DPP8: variants seen among roughly 807,000 people sequenced by gnomAD.
DPP8 encodes dipeptidyl peptidase 8.
DPP8 carries 31 observed loss-of-function variants against 107.5 expected under a neutral mutation model. The ratio of observed to expected loss-of-function variants is 0.29; its 90% CI spans 0.22 to 0.39. The LOEUF (loss-of-function observed/expected upper bound fraction) is 0.39, where lower values mean the gene tolerates loss of function less well. Among genes scored for constraint, DPP8 ranks in the 10% least tolerant of loss-of-function variants. The pLI, the probability that DPP8 is intolerant of heterozygous loss-of-function variation, is 1.00. For missense variants in DPP8, 842 were observed against 1,076.1 expected (o/e 0.78, Z 3.04); for synonymous variants, 381 against 356.6 (o/e 1.07, Z -0.77).
chr15:65,494,148 C>CTTTTTTTT (rs2068327891), intron 5 of DPP8, among the ~76,000 whole-genome samples: 1 of 18,552 alleles, frequency 5.4e-5, no homozygotes, highest in African/African-American at 1.5e-4. Flanking sequence ...GGTTCTATAT[C>CTTTTTTTT]CTTTTTTTTT....
intron 16 of DPP8, among the ~76,000 whole-genome samples, chr15:65,454,632 T>A (rs2064251533): frequency 1.3e-5 from 2 of 152,212 alleles, no homozygotes; most frequent in South Asian, 4.1e-4. Context: ...ATTCAAGTGA[T>A]TCTCCTGCCT....
At chr15:65,488,603 C>CAAAAAAAAAAAAAAAAAAAA (rs1166493197) in intron 6 of DPP8, among the ~76,000 whole-genome samples, 1 of 45,288 alleles carries the variant, frequency 2.2e-5, no homozygotes, top group Admixed American at 3.2e-4. Context: ...GACCCTGCCT[C>CAAAAAAAAAAAAAAAAAAAA]AAAAAAAAAA....
chr15:65,489,176 G>C (rs1482650081), intron 6 of DPP8, among the ~76,000 whole-genome samples: 2 of 152,040 alleles, frequency 1.3e-5, no homozygotes, highest in Admixed American at 6.6e-5. Flanking sequence ...GGCCAGGATA[G>C]TCTCGATCTC....
chr15:65,450,866 G>A (rs1416908048), intron 19 of DPP8, 133 bp downstream of exon 19: 14 of 597,946 alleles, frequency 2.3e-5, no homozygotes, highest in Non-Finnish European at 3.8e-5. Flanking sequence ...TACTAAATAT[G>A]CCTCTTACTT....
intron 12 of DPP8, 55 bp downstream of exon 12, chr15:65,474,153 CA>C: frequency 8.2e-7 from 1 of 1,219,016 alleles, no homozygotes; most frequent in East Asian, 2.3e-5. Flanking sequence ...TCATTTTTAG[CA>C]CTGCATTCAC....
chr15:65,480,872 G>GGATCATTTGAGCC (rs1250813158), intron 9 of DPP8, among the ~76,000 whole-genome samples: 1 of 152,096 alleles, frequency 6.6e-6, no homozygotes, highest in African/African-American at 2.4e-5. Context: ...CGAGACAAGA[G>GGATCATTTGAGCC]GATCATTTGA....
At chr15:65,506,770 G>GA (rs1239666881) in intron 3 of DPP8, among the ~76,000 whole-genome samples, 2 of 149,554 alleles carry the variant, frequency 1.3e-5, no homozygotes, top group Non-Finnish European at 3.0e-5. Context: ...TTTTTAATAA[G>GA]AAAAAATAAA....
intron 14 of DPP8, among the ~76,000 whole-genome samples, chr15:65,464,451 G>T (rs1030758304): frequency 3.3e-5 from 5 of 152,138 alleles, no homozygotes; most frequent in Non-Finnish European, 7.3e-5. Flanking sequence ...GGAGGCTGAG[G>T]TGGGTGGATT....
In DPP8 at chr15:65,492,063, C is replaced by T. The variant is rs1054472996; in HGVS notation, c.716-1764G>A. On this transcript the variant is annotated intron_variant, in intron 5 of 19. Coordinates refer to ENST00000300141, the MANE Select transcript of DPP8 (RefSeq NM_130434.5). ...TTACTGTGTAAGAATTTTTGTGGGCCAGGCGCAGTGGCTCACGCCTGTAAT... is the reference window on the plus strand; with the variant it reads ...TTACTGTGTAAGAATTTTTGTGGGCTAGGCGCAGTGGCTCACGCCTGTAAT... Among the ~76,000 whole-genome samples, 8 of 149,516 alleles carry T rather than the reference C, an allele frequency of 5.4e-5. No individual in the cohort carries two copies. The South Asian group carries it at 1.8e-3, about 34-fold the overall frequency.
At chr15:65,470,090 G>C (rs72739491) in intron 12 of DPP8, among the ~76,000 whole-genome samples, 235 of 147,968 alleles carry the variant, frequency 1.6e-3, no homozygotes, top group South Asian at 1.9e-3. Flanking sequence ...CCAGCGACTC[G>C]AGACTTAAGC....
At chr15:65,509,797 G>T (rs965662980) in intron 2 of DPP8, among the ~76,000 whole-genome samples, 3 of 152,076 alleles carry the variant, frequency 2.0e-5, no homozygotes, top group African/African-American at 2.4e-5. Flanking sequence ...GAGGTGGGTA[G>T]ACAGCTTGAG....
rs575429270 is a variant in DPP8 at position 65,490,632 on chromosome 15, A to C, written c.716-333T>G. 5.9e-5 allele frequency among the ~76,000 whole-genome samples: 9 copies of C among 152,340 alleles called. No homozygotes were observed. The East Asian group carries it at 1.7e-3, about 29-fold the overall frequency. ...TGTTATTATTTTCCCAATTAGCAGG[A>C]TCATGGAAAAAAGATTACAAGAAAA... is the stretch of plus-strand genomic sequence containing the variant. On this transcript the variant is annotated intron_variant, in intron 5 of 19. Transcript: ENST00000300141.
chr15:65,484,323 C>G (rs2067202147), intron 8 of DPP8, among the ~76,000 whole-genome samples: 1 of 141,942 alleles, frequency 7.0e-6, no homozygotes, highest in African/African-American at 2.8e-5. Context: ...AAGACTCTGT[C>G]TCAAAAAAAA....
rs1481295298 is a variant in DPP8 at position 65,500,740 on chromosome 15, GTTC to G, written c.409_411del (p.Glu137del). 1.5e-5 allele frequency: 25 copies of G among 1,613,732 alleles called. No individual in the cohort carries two copies. Among genetic ancestry groups the G allele is most frequent in the Non-Finnish European group, 3.4e-6 (4 of 1,179,916 alleles). The stretch of plus-strand genomic sequence containing the variant: ...CCAATGCGTTTTCTTTCTCTTAATA[GTTC>G]TTCTTCTCGAGAATACATTCCATAG... On this transcript the variant is annotated inframe_deletion, in exon 4 of 20. Coordinates refer to ENST00000300141, the MANE Select transcript of DPP8 (RefSeq NM_130434.5).
At position 65,490,305 on chromosome 15, in the gene DPP8, C is replaced by G; in HGVS notation, c.716-6G>C. On this transcript the variant is annotated splice_region_variant and splice_polypyrimidine_tract_variant and intron_variant, in intron 5 of 19. Transcript: ENST00000300141. ...TTCTTCCATGTTGGCTAGCTCTAGA[C>G]AAATATAAAAGGCAAAATTATCACA... 6.3e-7 allele frequency: 1 copy of G among 1,586,982 alleles called. No homozygotes were observed. Among genetic ancestry groups the G allele is most frequent in the Non-Finnish European group, 8.6e-7 (1 of 1,156,222 alleles).
chr15:65,475,155 A>G (rs912279640), intron 11 of DPP8, among the ~76,000 whole-genome samples: 5 of 152,198 alleles, frequency 3.3e-5, no homozygotes, highest in Admixed American at 6.5e-5. Flanking sequence ...TCTACCTCTG[A>G]CACTGGGGTA....
In DPP8 at chr15:65,445,243, C is replaced by T. The variant is rs961749530; in HGVS notation, c.*1641G>A. 4.6e-5 allele frequency: 7 copies of T among 152,136 alleles called. No homozygotes were observed. Among genetic ancestry groups the T allele is most frequent in the African/African-American group, 1.7e-4 (7 of 41,424 alleles). 9.4% of individuals were successfully genotyped at this position (152,136 alleles called of 1,614,324 possible). A position where few individuals can be genotyped will look rare whatever the true frequency, so the allele number is the denominator to read the frequency against. On this transcript the variant is annotated 3_prime_UTR_variant, in exon 20 of 20. Transcript: ENST00000300141. ...CAACCTTACTAATGGAGGCTGTGCT[C>T]TCTATGGGGAAATCTACTCTCTCTG...
At chr15:65,453,846 GC>G (rs1245575974) in intron 17 of DPP8, among the ~76,000 whole-genome samples, 1 of 151,998 alleles carries the variant, frequency 6.6e-6, no homozygotes, top group Non-Finnish European at 1.5e-5. Flanking sequence ...AGTGGCTCAT[GC>G]CTGTAATCCT....
Position 65,452,175 on chromosome 15 carries a change from G to C in DPP8, c.2272-73C>G, listed in dbSNP as rs1276079641. 22 of 1,496,748 alleles carry C rather than the reference G, an allele frequency of 1.5e-5. No homozygotes were observed. In the East Asian group the frequency reaches 5.2e-4, roughly 36 times the overall value. 92.7% of individuals were successfully genotyped at this position (1,496,748 alleles called of 1,614,324 possible). A position where few individuals can be genotyped will look rare whatever the true frequency, so the allele number is the denominator to read the frequency against. On this transcript the variant is annotated intron_variant, in intron 17 of 19. Transcript: ENST00000300141. ...TGGCTAGCAGTGAGATCTTACAACTGCAAATTTACAGTCTAAAATTATCCT... is the reference window on the plus strand; with the variant it reads ...TGGCTAGCAGTGAGATCTTACAACTCCAAATTTACAGTCTAAAATTATCCT...
Sources: allele counts gnomAD v4.1 joint callset (sites outside exome capture counted in the v4.1 genomes callset), GRCh38; gene constraint gnomAD v4.1.1; transcripts MANE v1.5; gene names NCBI Gene and HGNC (gene_info 2026-07-23, HGNC 2026-07-21).